The following ANKRD28 variants were observed in gnomAD, a reference collection of about 807,000 sequenced individuals.
ANKRD28 encodes the protein ankyrin repeat domain 28, also known as serine/threonine-protein phosphatase 6 regulatory ankyrin repeat subunit A.
ANKRD28 carries 44 observed loss-of-function variants against 126.5 expected under a neutral mutation model. That is an observed-to-expected ratio of 0.35 (90% CI 0.27 to 0.45). ANKRD28 has a LOEUF of 0.45. Among genes scored for constraint, ANKRD28 ranks in the 20% least tolerant of loss-of-function variants. ANKRD28 has a pLI of 1.00. For missense variants in ANKRD28, 1,110 were observed against 1,316.6 expected (o/e 0.84, Z 2.43); for synonymous variants, 442 against 468.5 (o/e 0.94, Z 0.73).
intron 25 of ANKRD28, 78 bp downstream of exon 25, chr3:15,677,402 A>AT (rs1476913435): frequency 1.9e-6 from 2 of 1,070,144 alleles, no homozygotes; most frequent in East Asian, 2.4e-5. Flanking sequence ...TGAGTTGTTC[A>AT]TTTTAGTGAA....
At chr3:15,756,605 C>T (rs2058173538) in intron 3 of ANKRD28, 1 of 646,174 alleles carries the variant, frequency 1.5e-6, no homozygotes, top group South Asian at 7.0e-5. Context: ...CTCATAATGG[C>T]TGTATAACTA....
chr3:15,821,008 C>T (rs2060931032), intron 1 of ANKRD28, among the ~76,000 whole-genome samples: 1 of 152,130 alleles, frequency 6.6e-6, no homozygotes, highest in Non-Finnish European at 1.5e-5. Context: ...GCACTACCAA[C>T]ATTTTAGGAC....
At chr3:15,695,152 A>G in intron 16 of ANKRD28, 36 bp downstream of exon 16, 1 of 1,540,284 alleles carries the variant, frequency 6.5e-7, no homozygotes, top group South Asian at 1.2e-5. Context: ...GAACTGACCA[A>G]TACTAATTGG....
chr3:15,742,367 T>C (rs1426738761), intron 4 of ANKRD28, among the ~76,000 whole-genome samples: 1 of 147,692 alleles, frequency 6.8e-6, no homozygotes, highest in Non-Finnish European at 1.5e-5. Context: ...GTCTGAGATG[T>C]GGGGAGCGCC....
At chr3:15,772,658 T>C (rs551757229) in intron 2 of ANKRD28, among the ~76,000 whole-genome samples, 239 of 152,314 alleles carry the variant, frequency 1.6e-3, no homozygotes, top group Admixed American at 2.2e-3. Context: ...AAATCCAACA[T>C]GTACTCATGA....
chr3:15,705,124 T>C (rs1357896501), intron 14 of ANKRD28, among the ~76,000 whole-genome samples: 1 of 152,180 alleles, frequency 6.6e-6, no homozygotes, highest in Non-Finnish European at 1.5e-5. Flanking sequence ...CTTTCCAGTG[T>C]ATCAGGCTGT....
chr3:15,797,846 A>T lies in ANKRD28; in HGVS notation c.-1325T>A. ...GACATCCCCAAATGAGTAGGTCCTT[A>T]AAAAATATCTATAGAACCTCAGTAT... On this transcript the variant is annotated 5_prime_UTR_variant, in exon 1 of 28. Transcript: ENST00000683139. The T allele has an allele frequency of 3.0e-6, 3 of 985,388 alleles. No homozygotes were observed. The highest frequency in any genetic ancestry group is 3.6e-6 in the Non-Finnish European group (3 of 829,926). 61.0% of individuals were successfully genotyped at this position (985,388 alleles called of 1,614,324 possible).
At chr3:15,672,671 T>C (rs1273641108) in intron 27 of ANKRD28, among the ~76,000 whole-genome samples, 2 of 152,194 alleles carry the variant, frequency 1.3e-5, no homozygotes, top group African/African-American at 4.8e-5. Context: ...GAACAACCCA[T>C]TACATAGGCC....
chr3:15,693,109 AGG>A (rs2069016175), intron 17 of ANKRD28, among the ~76,000 whole-genome samples: 3 of 152,202 alleles, frequency 2.0e-5, no homozygotes, highest in Non-Finnish European at 4.4e-5. Flanking sequence ...AAGGAGAAAC[AGG>A]GAGATGTTTA....
At chr3:15,676,707 C>A (rs771380700) in intron 26 of ANKRD28, 10 of 307,860 alleles carry the variant, frequency 3.2e-5, no homozygotes, top group Non-Finnish European at 5.5e-5. Flanking sequence ...AATAGTACTA[C>A]TTTCCTTCAG....
At chr3:15,826,002 T>A (rs2061056760) in intron 1 of ANKRD28, among the ~76,000 whole-genome samples, 1 of 152,112 alleles carries the variant, frequency 6.6e-6, no homozygotes, top group South Asian at 2.1e-4. Flanking sequence ...ATATAATCAG[T>A]ACAGCCCCTC....
chr3:15,716,133 C>T (rs1292150756), intron 8 of ANKRD28, among the ~76,000 whole-genome samples: 2 of 151,698 alleles, frequency 1.3e-5, no homozygotes, highest in African/African-American at 2.4e-5. Context: ...CAGGCATGCA[C>T]CACCATGCCC....
chr3:15,696,322 A>G, intron 14 of ANKRD28, 77 bp from the exon 15 acceptor site: 1 of 922,692 alleles, frequency 1.1e-6, no homozygotes, highest in South Asian at 1.7e-5. Context: ...ACTGAAATTA[A>G]AAACTGACAA....
chr3:15,694,365 G>A (rs2069223962), intron 17 of ANKRD28, among the ~76,000 whole-genome samples: 2 of 152,130 alleles, frequency 1.3e-5, no homozygotes, highest in African/African-American at 4.8e-5. Flanking sequence ...AAATACCACA[G>A]AATGTGTGTG....
At chr3:15,761,173 T>G (rs959703258) in intron 3 of ANKRD28, among the ~76,000 whole-genome samples, 7 of 152,218 alleles carry the variant, frequency 4.6e-5, no homozygotes, top group African/African-American at 1.7e-4. Context: ...CATATGACTT[T>G]AATGCAATCT....
At chr3:15,719,820 A>G (rs572232783) in intron 8 of ANKRD28, among the ~76,000 whole-genome samples, 1 of 152,048 alleles carries the variant, frequency 6.6e-6, no homozygotes, top group South Asian at 2.1e-4. Context: ...CTCCTAAAGC[A>G]CTGGGATTAC....
intron 18 of ANKRD28, among the ~76,000 whole-genome samples, chr3:15,688,388 A>G (rs2068396570): frequency 6.6e-6 from 1 of 152,216 alleles, no homozygotes. Context: ...CTCCCAAGTT[A>G]GGTGGGAATA....
In ANKRD28 at chr3:15,745,571, T is replaced by C. The variant is rs192680493; in HGVS notation, c.351+6179A>G. Among the ~76,000 whole-genome samples, 3 of 152,320 alleles carry C rather than the reference T, an allele frequency of 2.0e-5. No individual in the cohort carries two copies. The East Asian group carries it at 5.8e-4, about 29-fold the overall frequency. ...TATTTCTGTTCCATTGCTCTATATA[T>C]CTATTTTTATACCAGTACCATGCTG... On this transcript the variant is annotated intron_variant, in intron 4 of 27. Transcript: ENST00000683139.
At chr3:15,834,864 A>G (rs2125946462) in intron 1 of ANKRD28, among the ~76,000 whole-genome samples, 1 of 152,372 alleles carries the variant, frequency 6.6e-6, no homozygotes. Flanking sequence ...GTCACAAGTA[A>G]TAAAAAGAAC....
Sources: allele counts gnomAD v4.1 joint callset (sites outside exome capture counted in the v4.1 genomes callset), GRCh38; gene constraint gnomAD v4.1.1; transcripts MANE v1.5; gene names NCBI Gene and HGNC (gene_info 2026-07-23, HGNC 2026-07-21).